SDSL: variants seen among roughly 807,000 people sequenced by gnomAD.
SDSL encodes the protein serine dehydratase-like.
A neutral mutation model predicts 27.6 loss-of-function variants in SDSL; 26 were observed. The observed-to-expected ratio is 0.94, with a 90% CI of 0.69 to 1.31. The LOEUF (loss-of-function observed/expected upper bound fraction) is 1.31. Among genes scored for constraint, SDSL ranks in the 50% most tolerant of loss-of-function variants. SDSL has a pLI of 0.00. For synonymous variants in SDSL, 196 were observed against 180.6 expected, an observed-to-expected ratio of 1.09 and a Z score of -0.69; for missense variants, 431 against 423.5, an observed-to-expected ratio of 1.02 and a Z score of -0.16.
chr12:113,429,050 G>A (rs1190801401), intron 3 of SDSL, 110 bp from the exon 4 acceptor site: 6 of 1,294,858 alleles, frequency 4.6e-6, no homozygotes, highest in South Asian at 1.4e-5. Flanking sequence ...AGTCAATGGG[G>A]CATATGAATG....
At chr12:113,432,840 A>C (rs557377539) in intron 4 of SDSL, among the ~76,000 whole-genome samples, 1 of 152,332 alleles carries the variant, frequency 6.6e-6, no homozygotes, top group Admixed American at 6.5e-5. Flanking sequence ...ATGTTGCTGC[A>C]AAGGACATGA....
rs775170542 is a variant in SDSL at position 113,436,856 on chromosome 12, C to T, written c.777C>T (p.Ser259=). 7.5e-6 allele frequency: 12 copies of T among 1,607,964 alleles called. 1 individual carries two copies. Among genetic ancestry groups the T allele is most frequent in the East Asian group, 2.2e-5 (1 of 44,726 alleles). ...TGGTGGAGGACACCGAGGCTGTGAG[C>T]GCTGTGCAGCAGCTCCTGGGTGAGT... ...SEVVEDTEAV[S]AVQQLLDDER... is the part of the protein sequence containing the mutation. Residue 259 remains serine, a synonymous_variant, in exon 7 of 8, where the codon AGC becomes AGT. Transcript: ENST00000403593.
At chr12:113,424,701 AG>A (rs1957827834) in intron 1 of SDSL, among the ~76,000 whole-genome samples, 1 of 151,988 alleles carries the variant, frequency 6.6e-6, no homozygotes, top group African/African-American at 2.4e-5. Context: ...GGCACATAAT[AG>A]GGACTCAACA....
chr12:113,430,467 G>A (rs1360221677), intron 4 of SDSL, among the ~76,000 whole-genome samples: 1 of 152,182 alleles, frequency 6.6e-6, no homozygotes, highest in Non-Finnish European at 1.5e-5. Context: ...CTGTGGGAGG[G>A]TTAGGGTGGT....
Position 113,435,410 on chromosome 12 carries a change from T to TG in SDSL, c.530dup (p.Leu178SerfsTer73), listed in dbSNP as rs748505677. 6.2e-7 allele frequency: 1 copy of TG among 1,611,672 alleles called. No homozygotes were observed. The highest frequency in any genetic ancestry group is 1.1e-5 in the South Asian group (1 of 90,856). The stretch of plus-strand genomic sequence containing the variant: ...GTGCCCTGGTGCTGGCAGTTGGGGG[T>TG]GGGGGTCTCCTGGCCGGGGTGGTGG... On this transcript the variant is annotated frameshift_variant, in exon 6 of 8. Coordinates refer to ENST00000403593, the MANE Select transcript of SDSL (RefSeq NM_001304993.2). LOFTEE classifies it high-confidence loss of function.
intron 6 of SDSL, among the ~76,000 whole-genome samples, chr12:113,436,216 C>T (rs1412660030): frequency 6.6e-6 from 1 of 151,904 alleles, no homozygotes; most frequent in African/African-American, 2.4e-5. Flanking sequence ...TATGATTTCA[C>T]CTTAATTTAA....
At chr12:113,432,748 C>T (rs1034259763) in intron 4 of SDSL, among the ~76,000 whole-genome samples, 1 of 152,156 alleles carries the variant, frequency 6.6e-6, no homozygotes, top group Non-Finnish European at 1.5e-5. Flanking sequence ...TGTTTAACTC[C>T]CAGTTGTAAG....
At chr12:113,429,115 G>A (rs746192708) in intron 3 of SDSL, 45 bp from the exon 4 acceptor site, 110 of 1,581,294 alleles carry the variant, frequency 7.0e-5, no homozygotes, top group Non-Finnish European at 8.6e-5. Context: ...GCATATCAAA[G>A]GCCAATCAGC....
At chr12:113,432,208 GCTTCTTTCTTTCTTTCTTTCTTTCTTTC>G (rs1957930653) in intron 4 of SDSL, among the ~76,000 whole-genome samples, 1 of 149,606 alleles carries the variant, frequency 6.7e-6, no homozygotes, top group Non-Finnish European at 1.5e-5. Flanking sequence ...TTGTTTGTTT[GCTTCTTTCTTTCTTTCTTTCTTTCTTTC>G]TTTCTTTCTT....
chr12:113,431,342 C>T (rs1957918926), intron 4 of SDSL, among the ~76,000 whole-genome samples: 1 of 152,202 alleles, frequency 6.6e-6, no homozygotes, highest in Admixed American at 6.5e-5. Flanking sequence ...TGGATTTTCA[C>T]TCTGCCTGCT....
chr12:113,433,414 C>T (rs1593314364), intron 4 of SDSL, among the ~76,000 whole-genome samples: 1 of 152,268 alleles, frequency 6.6e-6, no homozygotes, highest in East Asian at 1.9e-4. Flanking sequence ...GCATGGGGTC[C>T]CTCTGAAATG....
chr12:113,425,552 G>T (rs1483028869), intron 1 of SDSL: 3 of 413,888 alleles, frequency 7.2e-6, no homozygotes, highest in Non-Finnish European at 1.4e-5. Flanking sequence ...GGTGGGGACC[G>T]GCCCAGTGCT....
intron 1 of SDSL, 88 bp from the exon 2 acceptor site, chr12:113,427,874 A>G (rs146593192): frequency 5.5e-6 from 7 of 1,262,558 alleles, no homozygotes; most frequent in African/African-American, 3.0e-5. Context: ...ACCTAAGCCA[A>G]GGGCTTTCTC....
At chr12:113,431,213 G>A (rs901797646) in intron 4 of SDSL, among the ~76,000 whole-genome samples, 8 of 152,204 alleles carry the variant, frequency 5.3e-5, no homozygotes, top group African/African-American at 1.9e-4. Context: ...TGAAAGGTGA[G>A]GCTGAAGAGG....
chr12:113,432,209 CTT>C, intron 4 of SDSL, among the ~76,000 whole-genome samples: 1 of 102,688 alleles, frequency 9.7e-6, no homozygotes, highest in East Asian at 3.2e-4. Context: ...TGTTTGTTTG[CTT>C]CTTTCTTTCT....
chr12:113,436,863 C>A lies in SDSL; in HGVS notation c.784C>A (p.Gln262Lys). ...VEDTEAVSAV[Q>K]QLLDDERMLV... The stretch of plus-strand genomic sequence containing the variant: ...GGACACCGAGGCTGTGAGCGCTGTG[C>A]AGCAGCTCCTGGGTGAGTGATCCCT... Residue 262 changes from glutamine (Q) to lysine (K), a missense_variant, in exon 7 of 8, where the codon CAG (glutamine) becomes AAG (lysine). By Grantham distance (53) the Gln-to-Lys change is moderately conservative (BLOSUM62 1). Transcript: ENST00000403593. 10 of 1,605,366 alleles carry A rather than the reference C, an allele frequency of 6.2e-6. No homozygotes were observed. Among genetic ancestry groups the A allele is most frequent in the Non-Finnish European group, 8.5e-6 (10 of 1,177,056 alleles).
chr12:113,424,607 A>G (rs1403888062), intron 1 of SDSL, among the ~76,000 whole-genome samples: 5 of 152,206 alleles, frequency 3.3e-5, no homozygotes, highest in Admixed American at 3.3e-4. Context: ...AACATGCTAA[A>G]GTAAGGGTAA....
intron 7 of SDSL, among the ~76,000 whole-genome samples, 195 bp from the exon 8 acceptor site, chr12:113,437,691 G>A (rs1958015104): frequency 1.3e-5 from 2 of 152,200 alleles, no homozygotes; most frequent in African/African-American, 4.8e-5. Context: ...GAGATAAAAG[G>A]TGGATGGTGG....
intron 6 of SDSL, among the ~76,000 whole-genome samples, chr12:113,436,514 C>T (rs1161845612): frequency 6.6e-6 from 1 of 152,076 alleles, no homozygotes; most frequent in Non-Finnish European, 1.5e-5. Context: ...TCTTGAACTC[C>T]CCGACCTCAG....
Sources: allele counts gnomAD v4.1 joint callset (sites outside exome capture counted in the v4.1 genomes callset), GRCh38; gene constraint gnomAD v4.1.1; transcripts MANE v1.5; gene names NCBI Gene and HGNC (gene_info 2026-07-23, HGNC 2026-07-21).